Variants in POLR3K observed in about 807,000 individuals in gnomAD.
POLR3K encodes the protein RNA polymerase III subunit K, also known as DNA-directed RNA polymerase III subunit RPC10.
A neutral mutation model predicts 13.5 loss-of-function variants in POLR3K; 11 were observed. The ratio of observed to expected loss-of-function variants is 0.81; its 90% CI spans 0.51 to 1.35. The LOEUF is 1.35. Ranked by LOEUF, POLR3K falls within the 40% of genes most tolerant of loss-of-function variation. The probability of loss-of-function intolerance (pLI) is 0.00; values close to 1 mark genes in which losing one functional copy is unlikely to be tolerated. For synonymous variants in POLR3K, 56 were observed against 51.5 expected, an observed-to-expected ratio of 1.09 and a Z score of -0.38; for missense variants, 144 against 145.3, an observed-to-expected ratio of 0.99 and a Z score of 0.05.
At chr16:52,046 C>T (rs1897337475) in intron 1 of POLR3K, 2 of 174,092 alleles carry the variant, frequency 1.1e-5, no homozygotes, top group South Asian at 1.1e-4. Flanking sequence ...AAAGAGTTCA[C>T]TCTTCCCGTA....
intron 2 of POLR3K, 57 bp downstream of exon 2, chr16:51,501 C>T: frequency 7.3e-7 from 1 of 1,370,218 alleles, no homozygotes; most frequent in Non-Finnish European, 1.0e-6. Context: ...CAAGCAGTGG[C>T]ATCAACAGCC....
chr16:49,363 G>A (rs570033427), intron 2 of POLR3K, among the ~76,000 whole-genome samples: 38 of 151,048 alleles, frequency 2.5e-4, no homozygotes, highest in Middle Eastern at 3.4e-3. Context: ...ACTTGAACCT[G>A]GGAAGTGGAG....
At position 53,573 on chromosome 16, in the gene POLR3K, C is replaced by T. The variant is rs200993647; in HGVS notation, c.14G>A (p.Cys5Tyr). The change falls in exon 1 of 3, where the codon TGC (cysteine) becomes TAC (tyrosine). Residue 5 changes from cysteine to tyrosine, a missense_variant. By Grantham distance (194) the Cys-to-Tyr change is radical (BLOSUM62 -2). Transcript: ENST00000293860. The part of the protein sequence containing the change: MLLF[C>Y]PGCGNGLIVE... ...GATCAGCCCGTTCCCGCAGCCGGGG[C>T]AGAACAGCAGCATGGTCTCGAACTC... 4 of 1,612,528 alleles carry T rather than the reference C, an allele frequency of 2.5e-6. No homozygotes were observed. The Admixed American group carries it at 5.0e-5, about 20-fold the overall frequency.
intron 1 of POLR3K, among the ~76,000 whole-genome samples, chr16:52,446 C>CAAAAAAAAAA (rs767411954): frequency 2.2e-4 from 16 of 74,196 alleles, no homozygotes; most frequent in South Asian, 4.9e-4. Flanking sequence ...GACTCTGTCT[C>CAAAAAAAAAA]AAAAAAAAAA....
intron 1 of POLR3K, among the ~76,000 whole-genome samples, chr16:52,670 G>T (rs1232866202): frequency 1.3e-5 from 2 of 148,990 alleles, no homozygotes; most frequent in Non-Finnish European, 3.0e-5. Flanking sequence ...GGAGGCTGAG[G>T]CAGGAGAGTG....
chr16:52,019 C>CA (rs545144457), intron 1 of POLR3K: 2,224 of 116,448 alleles, frequency 0.019, 13 homozygotes, highest in South Asian at 0.062. Context: ...GACTCCATCT[C>CA]AAAAAAAAAA....
chr16:53,413 A>C (rs1229409658), intron 1 of POLR3K, 63 bp downstream of exon 1: 1 of 1,533,992 alleles, frequency 6.5e-7, no homozygotes, highest in African/African-American at 1.4e-5. Context: ...ATGGAGCAGC[A>C]GTCGGAGGAC....
chr16:51,658 A>G lies in POLR3K; in HGVS notation c.112-13T>C. ...TCCGATTTGTTACCTAACAAAAACA[A>G]CACTTCAGACTCCAAGTAACTGAAT... On this transcript the variant is annotated splice_polypyrimidine_tract_variant and intron_variant, in intron 1 of 2. Coordinates refer to ENST00000293860, the MANE Select transcript of POLR3K (RefSeq NM_016310.5). 1.2e-6 allele frequency: 2 copies of G among 1,604,012 alleles called. No homozygotes were observed. Among genetic ancestry groups the G allele is most frequent in the Middle Eastern group, 1.7e-4 (1 of 6,048 alleles).
At chr16:50,772 C>T (rs1268034925) in intron 2 of POLR3K, among the ~76,000 whole-genome samples, 2 of 152,198 alleles carry the variant, frequency 1.3e-5, no homozygotes, top group African/African-American at 2.4e-5. Context: ...ATCTGCCTAC[C>T]TTGGCCTCCC....
chr16:48,826 T>A (rs1439946991), intron 2 of POLR3K, among the ~76,000 whole-genome samples: 1 of 142,512 alleles, frequency 7.0e-6, no homozygotes, highest in Admixed American at 7.1e-5. Flanking sequence ...AAAAAAAGAA[T>A]TGAGCATTAA....
At chr16:51,493 A>G in intron 2 of POLR3K, 65 bp downstream of exon 2, 1 of 1,274,784 alleles carries the variant, frequency 7.8e-7, no homozygotes, top group East Asian at 2.3e-5. Context: ...GACTCTGCCA[A>G]GCAGTGGCAT....
Position 53,524 on chromosome 16 carries a change from G to T in POLR3K, c.63C>A (p.His21Gln). Residue 21 changes from histidine (H) to glutamine (Q), a missense_variant, in exon 1 of 3, where the codon CAC (histidine) becomes CAA (glutamine). Coordinates refer to ENST00000293860, the MANE Select transcript of POLR3K (RefSeq NM_016310.5). ...AGGGGCACGTGTTGCAGGCGAAGCG[G>T]TGGCAGCGTTGTCCCTCCTCCACGA... ...GLIVEEGQRC[H>Q]RFACNTCPYV... 3 of 1,613,254 alleles carry T rather than the reference G, an allele frequency of 1.9e-6. No homozygotes were observed. Among genetic ancestry groups the T allele is most frequent in the Non-Finnish European group, 2.5e-6 (3 of 1,179,766 alleles).
At chr16:48,261 A>C (rs1223154578) in intron 2 of POLR3K, among the ~76,000 whole-genome samples, 1 of 151,602 alleles carries the variant, frequency 6.6e-6, no homozygotes, top group Admixed American at 6.6e-5. Flanking sequence ...GTAGATCTAC[A>C]AACAGTGATG....
In POLR3K at chr16:46,727, T is replaced by TAAATAAATAAATAAATA. The variant is rs919298841; in HGVS notation, c.*686_*702dup. ...CGACAGAACAAGACTCTGTCTTAAA[T>TAAATAAATAAATAAATA]AAATAAATAAATAAATAAAATAAAT... On this transcript the variant is annotated 3_prime_UTR_variant, in exon 3 of 3. Coordinates refer to ENST00000293860, the MANE Select transcript of POLR3K (RefSeq NM_016310.5). 9.1e-6 allele frequency: 1 copy of TAAATAAATAAATAAATA among 110,452 alleles called. No homozygotes were observed. The highest frequency in any genetic ancestry group is 4.4e-5 in the African/African-American group (1 of 22,770). 6.8% of individuals were successfully genotyped at this position (110,452 alleles called of 1,614,324 possible). A position where few individuals can be genotyped will look rare whatever the true frequency, so the allele number is the denominator to read the frequency against.
Position 51,629 on chromosome 16 carries a change from T to A in POLR3K, c.128A>T (p.Tyr43Phe), listed in dbSNP as rs889058999. ...NITRKVTNRK[Y>F]PKLKEVDDVL... ...ATCATCCACTTCTTTCAGTTTTGGG[T>A]ACTTCCGATTTGTTACCTAACAAAA... The change falls in exon 2 of 3, where the codon TAC (tyrosine) becomes TTC (phenylalanine). Residue 43 changes from tyrosine to phenylalanine, a missense_variant. Tyr to Phe is a conservative substitution (Grantham distance 22). Transcript: ENST00000293860. 2.5e-6 allele frequency: 4 copies of A among 1,613,912 alleles called. No homozygotes were observed. The highest frequency in any genetic ancestry group is 3.4e-6 in the Non-Finnish European group (4 of 1,179,938).
At chr16:49,760 C>G (rs1161268771) in intron 2 of POLR3K, among the ~76,000 whole-genome samples, 1 of 152,070 alleles carries the variant, frequency 6.6e-6, no homozygotes, top group African/African-American at 2.4e-5. Context: ...CTGTCTCAGC[C>G]TCCCAAGTAG....
At chr16:52,814 A>C (rs1392582385) in intron 1 of POLR3K, among the ~76,000 whole-genome samples, 2 of 151,540 alleles carry the variant, frequency 1.3e-5, no homozygotes, top group East Asian at 1.9e-4. Flanking sequence ...AAAAATAAAG[A>C]AAGCACACAA....
chr16:46,744 A>AAAC lies in POLR3K; in HGVS notation c.*685_*686insGTT, dbSNP rs56331526. 11 of 104,808 alleles carry AAAC rather than the reference A, an allele frequency of 1.0e-4. No individual in the cohort carries two copies. The highest frequency in any genetic ancestry group is 8.7e-4 in the Admixed American group (10 of 11,480). The allele number at this position is 104,808 out of a possible 1,614,324, so 6.5% of individuals were successfully genotyped here. ...GTCTTAAATAAATAAATAAATAAAT[A>AAAC]AAATAAATAAATAAATAAATAGTAT... On this transcript the variant is annotated 3_prime_UTR_variant, in exon 3 of 3. Transcript: ENST00000293860.
Position 53,603 on chromosome 16 carries a change from G to A in POLR3K, c.-17C>T, listed in dbSNP as rs927442444. ...CAGCAGCATGGTCTCGAACTCCGCA[G>A]GCTCCAACTCCCGGCAGCTCCCACT... On this transcript the variant is annotated 5_prime_UTR_variant, in exon 1 of 3. Transcript: ENST00000293860. 6 of 1,601,454 alleles carry A rather than the reference G, an allele frequency of 3.7e-6. No homozygotes were observed. Among genetic ancestry groups the A allele is most frequent in the Non-Finnish European group, 5.1e-6 (6 of 1,174,110 alleles).
Sources: allele counts gnomAD v4.1 joint callset (sites outside exome capture counted in the v4.1 genomes callset), GRCh38; gene constraint gnomAD v4.1.1; transcripts MANE v1.5; gene names NCBI Gene and HGNC (gene_info 2026-07-23, HGNC 2026-07-21).